Variants in ZMYM2 observed in about 807,000 individuals in gnomAD.
ZMYM2 encodes the protein zinc finger MYM-type containing 2, also known as zinc finger MYM-type protein 2.
In ZMYM2, 56 loss-of-function variants were observed where a neutral mutation model predicts 162.8. The observed-to-expected ratio is 0.34, with a 90% CI of 0.28 to 0.43. The LOEUF (loss-of-function observed/expected upper bound fraction) is 0.43, where lower values mean the gene tolerates loss of function less well. ZMYM2 is among the 20% of genes least tolerant of loss of function. The pLI, the probability that ZMYM2 is intolerant of heterozygous loss-of-function variation, is 1.00. For missense variants in ZMYM2, 1,275 were observed against 1,621.8 expected, an observed-to-expected ratio of 0.79 and a Z score of 3.67; for synonymous variants, 510 against 541.6, an observed-to-expected ratio of 0.94 and a Z score of 0.81.
the ZMYM2 span, among the ~76,000 whole-genome samples, chr13:19,910,087 C>T: frequency 7.9e-5 from 12 of 151,146 alleles, no homozygotes; most frequent in East Asian, 1.2e-3. Flanking sequence ...ATTAGCTGAG[C>T]GTGGTGGCGG....
At chr13:19,867,665 G>A in the ZMYM2 span, among the ~76,000 whole-genome samples, 6 of 151,862 alleles carry the variant, frequency 4.0e-5, no homozygotes, top group South Asian at 1.2e-3. Context: ...TTGCTCTGTT[G>A]CCCAGGCTGG....
chr13:20,033,719 A>G (rs1953413631), intron 10 of ZMYM2, among the ~76,000 whole-genome samples: 1 of 152,174 alleles, frequency 6.6e-6, no homozygotes, highest in South Asian at 2.1e-4. Flanking sequence ...GAAACAAATT[A>G]TTACTAATCA....
At chr13:19,947,317 C>T in the ZMYM2 span, among the ~76,000 whole-genome samples, 1 of 152,188 alleles carries the variant, frequency 6.6e-6, no homozygotes, top group Non-Finnish European at 1.5e-5. Context: ...GCCTCAGCCT[C>T]CCAAAGTGCT....
chr13:19,949,553 A>G, the ZMYM2 span, among the ~76,000 whole-genome samples: 1 of 152,036 alleles, frequency 6.6e-6, no homozygotes, highest in Non-Finnish European at 1.5e-5. Flanking sequence ...TGATCATTCT[A>G]CTGACTCCAG....
intron 9 of ZMYM2, among the ~76,000 whole-genome samples, chr13:20,029,769 C>T (rs1242318503): frequency 1.3e-5 from 2 of 151,904 alleles, no homozygotes; most frequent in East Asian, 1.9e-4. Context: ...TGTCAGTGTC[C>T]ATGTATGCTT....
At chr13:19,964,683 A>G (rs922470140) in intron 2 of ZMYM2, among the ~76,000 whole-genome samples, 6 of 151,520 alleles carry the variant, frequency 4.0e-5, no homozygotes, top group African/African-American at 4.9e-5. Flanking sequence ...GCTGCCAAGG[A>G]TTAGGTTTTT....
intron 12 of ZMYM2, among the ~76,000 whole-genome samples, chr13:20,043,866 G>A (rs906501227): frequency 6.6e-6 from 1 of 152,050 alleles, no homozygotes; most frequent in Admixed American, 6.5e-5. Context: ...GGAGGGAATG[G>A]GTGGCACTGC....
intron 3 of ZMYM2, 91 bp downstream of exon 3, chr13:19,994,010 T>C: frequency 2.9e-6 from 4 of 1,380,996 alleles, no homozygotes; most frequent in Non-Finnish European, 3.9e-6. Context: ...TTACCTTGTT[T>C]AGTTTCATCA....
In ZMYM2 at chr13:20,086,040, G is replaced by C. The variant is rs1294726753; in HGVS notation, c.*26G>C. ...AAAGGAACGTTGCAGAAGCAATCGG[G>C]ATAAAACAGCATTAGATAGTCATGC... On this transcript the variant is annotated 3_prime_UTR_variant, in exon 25 of 25. Coordinates refer to ENST00000610343, the MANE Select transcript of ZMYM2 (RefSeq NM_197968.4). 1 of 1,603,660 alleles carries C rather than the reference G, an allele frequency of 6.2e-7. No individual in the cohort carries two copies. Among genetic ancestry groups the C allele is most frequent in the Non-Finnish European group, 8.5e-7 (1 of 1,173,772 alleles).
At chr13:20,034,553 A>G (rs992081999) in intron 11 of ZMYM2, 149 bp downstream of exon 11, 1 of 690,888 alleles carries the variant, frequency 1.4e-6, no homozygotes, top group Non-Finnish European at 2.1e-6. Flanking sequence ...TCGTTATTTT[A>G]TATGTGTTTG....
intron 1 of ZMYM2, among the ~76,000 whole-genome samples, chr13:19,959,489 C>A (rs114700538): frequency 0.014 from 2,081 of 152,176 alleles, 40 homozygotes; most frequent in African/African-American, 0.047. Context: ...TGCCGGTCGC[C>A]GACTGCAGGG....
At position 19,982,420 on chromosome 13, in the gene ZMYM2, C is replaced by T. The variant is rs192303762; in HGVS notation, c.-10-10643C>T. On this transcript the variant is annotated intron_variant, in intron 2 of 24. Coordinates refer to ENST00000610343, the MANE Select transcript of ZMYM2 (RefSeq NM_197968.4). ...CTTATGCCTCAGCCTCCTGAGTAGC[C>T]GAGATTACAGGTGTGCGCCACCATG... is the stretch of plus-strand genomic sequence containing the variant. 1.5e-4 allele frequency among the ~76,000 whole-genome samples: 23 copies of T among 151,048 alleles called. No individual in the cohort carries two copies. The East Asian group carries it at 3.5e-3, about 23-fold the overall frequency.
At chr13:19,982,158 C>T (rs1957390144) in intron 2 of ZMYM2, among the ~76,000 whole-genome samples, 1 of 152,020 alleles carries the variant, frequency 6.6e-6, no homozygotes, top group African/African-American at 2.4e-5. Flanking sequence ...CTTAAATCTT[C>T]CTGTCCAAAG....
the ZMYM2 span, among the ~76,000 whole-genome samples, chr13:19,883,379 GA>G: frequency 9.9e-5 from 15 of 152,164 alleles, no homozygotes; most frequent in Admixed American, 1.3e-4. Flanking sequence ...GTACAACTTA[GA>G]AATGTCTAAT....
chr13:20,086,056 A>G lies in ZMYM2; in HGVS notation c.*42A>G. The G allele has an allele frequency of 6.4e-7, 1 of 1,564,566 alleles. No individual in the cohort carries two copies. Among genetic ancestry groups the G allele is most frequent in the Non-Finnish European group, 8.7e-7 (1 of 1,143,106 alleles). On this transcript the variant is annotated 3_prime_UTR_variant, in exon 25 of 25. Coordinates refer to ENST00000610343, the MANE Select transcript of ZMYM2 (RefSeq NM_197968.4). ...AGCAATCGGGATAAAACAGCATTAG[A>G]TAGTCATGCTGCTAGATCTTTATTA...
intron 4 of ZMYM2, among the ~76,000 whole-genome samples, chr13:20,003,565 G>A (rs550092881): frequency 1.3e-5 from 2 of 151,866 alleles, no homozygotes; most frequent in East Asian, 3.9e-4. Flanking sequence ...CAAGACTCAG[G>A]TACCAATTTT....
intron 7 of ZMYM2, chr13:20,024,382 G>A (rs1369997185): frequency 1.4e-5 from 3 of 207,106 alleles, no homozygotes; most frequent in Admixed American, 5.9e-5. Context: ...AGACTCACTC[G>A]GTCAGTTTGA....
chr13:19,960,852 G>A (rs1159921093), intron 2 of ZMYM2, among the ~76,000 whole-genome samples: 1 of 152,202 alleles, frequency 6.6e-6, no homozygotes, highest in Non-Finnish European at 1.5e-5. Context: ...GACAGTTGAT[G>A]TGGTAACTTG....
intron 2 of ZMYM2, among the ~76,000 whole-genome samples, chr13:19,979,065 G>A (rs981758988): frequency 1.3e-5 from 2 of 152,034 alleles, no homozygotes; most frequent in African/African-American, 4.8e-5. Flanking sequence ...CTTTAAATAT[G>A]TCATCCCACT....
Sources: allele counts gnomAD v4.1 joint callset (sites outside exome capture counted in the v4.1 genomes callset), GRCh38; gene constraint gnomAD v4.1.1; transcripts MANE v1.5; gene names NCBI Gene and HGNC (gene_info 2026-07-23, HGNC 2026-07-21).